The following DEPDC1B variants were observed in gnomAD, a reference collection of about 807,000 sequenced individuals.
DEPDC1B encodes the protein DEP domain-containing protein 1B.
Under a neutral mutation model 66.5 loss-of-function variants are expected in DEPDC1B, and 51 were observed. The ratio of observed to expected loss-of-function variants is 0.77; its 90% CI spans 0.61 to 0.97. The LOEUF is 0.97. Among genes scored for constraint, DEPDC1B ranks in the 50% least tolerant of loss-of-function variants. DEPDC1B has a pLI of 0.00. For synonymous variants in DEPDC1B, 226 were observed against 223.6 expected (o/e 1.01, Z -0.10); for missense variants, 552 against 637.1 (o/e 0.87, Z 1.44).
At chr5:60,674,206 G>A (rs917101017) in intron 2 of DEPDC1B, among the ~76,000 whole-genome samples, 1 of 152,070 alleles carries the variant, frequency 6.6e-6, no homozygotes, top group Non-Finnish European at 1.5e-5. Flanking sequence ...AAAGAAATCA[G>A]CAGGAACTAT....
chr5:60,700,149 G>T lies in DEPDC1B; in HGVS notation c.-56C>A. On this transcript the variant is annotated 5_prime_UTR_variant, in exon 1 of 11. Coordinates refer to ENST00000265036, the MANE Select transcript of DEPDC1B (RefSeq NM_018369.3). ...CCAGCGCTGATCCCCGCCAGCCGGA[G>T]GAGCAGCAGTTTGAATCCCAAGCCC... The T allele has an allele frequency of 1.3e-6, 2 of 1,518,626 alleles. No individual in the cohort carries two copies. Among genetic ancestry groups the T allele is most frequent in the South Asian group, 1.2e-5 (1 of 81,578 alleles). The allele number at this position is 1,518,626 out of a possible 1,614,324, so 94.1% of individuals were successfully genotyped here. A position where few individuals can be genotyped will look rare whatever the true frequency, so the allele number is the denominator to read the frequency against.
Position 60,609,877 on chromosome 5 carries a change from C to G in DEPDC1B, c.899-4021G>C, listed in dbSNP as rs569875475. Among the ~76,000 whole-genome samples the G allele has an allele frequency of 1.1e-4, 17 of 152,246 alleles. No individual in the cohort carries two copies. The South Asian group carries it at 3.3e-3, about 30-fold the overall frequency. The stretch of plus-strand genomic sequence containing the variant: ...AATTGAAAAATTAATTCATATCTCC[C>G]TCCAAAGAGGTATAAAATTGGTATG... On this transcript the variant is annotated intron_variant, in intron 7 of 10. Transcript: ENST00000265036.
chr5:60,639,958 CAGAATCTCT>C (rs1753150238), intron 6 of DEPDC1B, among the ~76,000 whole-genome samples: 1 of 152,164 alleles, frequency 6.6e-6, no homozygotes, highest in Non-Finnish European at 1.5e-5. Context: ...ATTCTTCCTA[CAGAATCTCT>C]ATAACTAAAG....
chr5:60,700,002 C>T (rs1387676249), intron 1 of DEPDC1B, 44 bp downstream of exon 1: 1 of 1,545,654 alleles, frequency 6.5e-7, no homozygotes. Context: ...AGTGGGGGCT[C>T]GCGGCACCGG....
chr5:60,599,020 A>C, intron 10 of DEPDC1B, 55 bp downstream of exon 10: 1 of 1,449,292 alleles, frequency 6.9e-7, no homozygotes, highest in Non-Finnish European at 9.2e-7. Flanking sequence ...ATAAAAAAAA[A>C]AACATAAAAA....
At chr5:60,648,396 C>T (rs1469500283) in intron 2 of DEPDC1B, among the ~76,000 whole-genome samples, 1 of 152,174 alleles carries the variant, frequency 6.6e-6, no homozygotes, top group African/African-American at 2.4e-5. Context: ...AAATTTATTG[C>T]TCTTTGTTGA....
At chr5:60,628,844 T>C (rs1383412687) in intron 7 of DEPDC1B, among the ~76,000 whole-genome samples, 5 of 152,260 alleles carry the variant, frequency 3.3e-5, no homozygotes, top group African/African-American at 1.2e-4. Context: ...TATACAGATA[T>C]AAATATGTAC....
At chr5:60,603,655 A>C (rs1752250040) in intron 8 of DEPDC1B, 88 bp from the exon 9 acceptor site, 1 of 1,379,886 alleles carries the variant, frequency 7.2e-7, no homozygotes, top group Admixed American at 2.6e-5. Context: ...AAATATGAGA[A>C]ATGGTCTAAG....
chr5:60,621,570 A>C (rs1179075780), intron 7 of DEPDC1B, among the ~76,000 whole-genome samples: 1 of 151,322 alleles, frequency 6.6e-6, no homozygotes, highest in Non-Finnish European at 1.5e-5. Context: ...GCATTAGGAG[A>C]CACACCTAAT....
intron 1 of DEPDC1B, among the ~76,000 whole-genome samples, chr5:60,690,985 T>C (rs1363546411): frequency 6.6e-6 from 1 of 152,124 alleles, no homozygotes; most frequent in Non-Finnish European, 1.5e-5. Flanking sequence ...ACCCCGGATG[T>C]GTAGCACAGT....
intron 1 of DEPDC1B, among the ~76,000 whole-genome samples, chr5:60,692,591 G>A (rs1021856307): frequency 2.0e-5 from 3 of 152,054 alleles, no homozygotes; most frequent in African/African-American, 4.8e-5. Context: ...AAATTGGTGC[G>A]ACCAGTTTGG....
chr5:60,687,495 T>C (rs1186756404), intron 1 of DEPDC1B, among the ~76,000 whole-genome samples: 1 of 151,890 alleles, frequency 6.6e-6, no homozygotes, highest in Non-Finnish European at 1.5e-5. Flanking sequence ...AGTTTTATAT[T>C]ATATATATTT....
chr5:60,689,123 G>A, intron 1 of DEPDC1B: 1 of 452,816 alleles, frequency 2.2e-6, no homozygotes, highest in Non-Finnish European at 4.4e-6. Context: ...TATACTGGTT[G>A]CACAGGCCCT....
chr5:60,666,081 C>CACCACTGTTGTTT (rs956838124), intron 2 of DEPDC1B, among the ~76,000 whole-genome samples: 2 of 152,212 alleles, frequency 1.3e-5, no homozygotes, highest in African/African-American at 2.4e-5. Context: ...GCTCGCCGTC[C>CACCACTGTTGTTT]ACCACTGTTG....
At chr5:60,673,971 G>A (rs1029821712) in intron 2 of DEPDC1B, among the ~76,000 whole-genome samples, 4 of 152,106 alleles carry the variant, frequency 2.6e-5, no homozygotes, top group African/African-American at 9.7e-5. Flanking sequence ...AAGCATGTGG[G>A]AGTCATCTCT....
At chr5:60,669,385 C>T (rs2111979879) in intron 2 of DEPDC1B, among the ~76,000 whole-genome samples, 1 of 152,290 alleles carries the variant, frequency 6.6e-6, no homozygotes, top group East Asian at 1.9e-4. Context: ...TACTAACTTA[C>T]AGACTTTGTA....
chr5:60,659,228 C>T lies in DEPDC1B; in HGVS notation c.315-11695G>A, dbSNP rs191756916. Among the ~76,000 whole-genome samples, 104 of 152,220 alleles carry T rather than the reference C, an allele frequency of 6.8e-4. 1 individual carries two copies. In the East Asian group the frequency reaches 0.014, roughly 20 times the overall value. ...GAGCAGCCCACCCCCATCTTGAGAG[C>T]GGCCCGTCGCATCTTGGGAGCTCTA... On this transcript the variant is annotated intron_variant, in intron 2 of 10. Transcript: ENST00000265036.
intron 2 of DEPDC1B, among the ~76,000 whole-genome samples, chr5:60,674,692 GC>G (rs1754116292): frequency 6.6e-6 from 1 of 152,120 alleles, no homozygotes; most frequent in African/African-American, 2.4e-5. Flanking sequence ...CCAAAAAGCT[GC>G]CCCAGTCTTG....
intron 7 of DEPDC1B, among the ~76,000 whole-genome samples, chr5:60,613,785 T>C (rs996626340): frequency 3.7e-5 from 5 of 136,684 alleles, no homozygotes; most frequent in Non-Finnish European, 7.8e-5. Flanking sequence ...GTTACATATG[T>C]ATTTGTGTGT....
Sources: allele counts gnomAD v4.1 joint callset (sites outside exome capture counted in the v4.1 genomes callset), GRCh38; gene constraint gnomAD v4.1.1; transcripts MANE v1.5; gene names NCBI Gene and HGNC (gene_info 2026-07-23, HGNC 2026-07-21).